The following ZNF83 variants were observed in gnomAD, a reference collection of about 807,000 sequenced individuals.
The protein encoded by ZNF83 is zinc finger protein 816B.
For missense variants in ZNF83, 552 were observed against 629.9 expected, an observed-to-expected ratio of 0.88 and a Z score of 1.32; for synonymous variants, 209 against 213.0, an observed-to-expected ratio of 0.98 and a Z score of 0.17.
chr19:52,646,599 A>G (rs961882539), intron 3 of ZNF83, among the ~76,000 whole-genome samples: 1 of 152,216 alleles, frequency 6.6e-6, no homozygotes, highest in African/African-American at 2.4e-5. Flanking sequence ...TGAGGCAGAA[A>G]TTAAAGAAGA....
At chr19:52,670,058 C>T (rs907721155) in intron 1 of ZNF83, among the ~76,000 whole-genome samples, 5 of 152,190 alleles carry the variant, frequency 3.3e-5, no homozygotes, top group African/African-American at 9.7e-5. Flanking sequence ...TTAAACTTAA[C>T]TTCCTCATAA....
At chr19:52,619,089 A>G (rs1271175180) in intron 2 of ZNF83, 3 of 1,611,398 alleles carry the variant, frequency 1.9e-6, no homozygotes, top group African/African-American at 2.7e-5. Flanking sequence ...TTTTAACCAA[A>G]TGGTTATGGG....
intron 3 of ZNF83, among the ~76,000 whole-genome samples, chr19:52,647,654 T>A (rs1380463067): frequency 6.6e-6 from 1 of 151,794 alleles, no homozygotes; most frequent in Non-Finnish European, 1.5e-5. Flanking sequence ...TCTCTCTAGC[T>A]CTTTTTTTTC....
intron 2 of ZNF83, among the ~76,000 whole-genome samples, chr19:52,656,814 T>C (rs1204641577): frequency 6.8e-6 from 1 of 146,110 alleles, no homozygotes; most frequent in African/African-American, 2.5e-5. Flanking sequence ...TGCAGTGAGC[T>C]GAGATAGTGC....
Position 52,653,168 on chromosome 19 carries a change from G to A in ZNF83, c.-74+2393C>T, listed in dbSNP as rs878886102. On this transcript the variant is annotated intron_variant, in intron 3 of 5. Coordinates refer to the ZNF83 transcript ENST00000594682. ...TTGTAAGGTTTTTCTCCGGTATGAA[G>A]TCTACGATGGCCCACAAGGGATGAC... The A allele has an allele frequency of 3.0e-4, 451 of 1,493,000 alleles. 1 individual carries two copies. Among genetic ancestry groups the A allele is most frequent in the Middle Eastern group, 2.3e-3 (13 of 5,662 alleles). The allele number at this position is 1,493,000 out of a possible 1,614,324, so 92.5% of individuals were successfully genotyped here.
intron 1 of ZNF83, among the ~76,000 whole-genome samples, chr19:52,675,302 A>C (rs55993083): frequency 6.6e-6 from 1 of 152,092 alleles, no homozygotes; most frequent in Non-Finnish European, 1.5e-5. Flanking sequence ...ACTTGATCCT[A>C]GGCCTGAAGG....
intron 2 of ZNF83, among the ~76,000 whole-genome samples, chr19:52,620,035 C>T (rs1056405041): frequency 3.9e-5 from 6 of 152,034 alleles, no homozygotes; most frequent in East Asian, 1.9e-4. Flanking sequence ...GGCAACAAAG[C>T]GAGGCCCCAT....
intron 2 of ZNF83, among the ~76,000 whole-genome samples, chr19:52,623,256 C>T (rs1009909328): frequency 6.6e-6 from 1 of 152,170 alleles, no homozygotes; most frequent in Non-Finnish European, 1.5e-5. Context: ...CCCTCTGGAC[C>T]ATCAGGGATG....
chr19:52,633,296 C>G (rs902410930), intron 2 of ZNF83, among the ~76,000 whole-genome samples: 3 of 151,956 alleles, frequency 2.0e-5, no homozygotes. Context: ...CCTTCGCTGA[C>G]TCTCTTTTCA....
chr19:52,619,194 A>G (rs910487449), intron 2 of ZNF83: 1 of 1,598,148 alleles, frequency 6.3e-7, no homozygotes, highest in African/African-American at 1.4e-5. Flanking sequence ...GGGATTTTTC[A>G]CCACATGATG....
chr19:52,653,059 T>C lies in ZNF83; in HGVS notation c.-74+2502A>G. On this transcript the variant is annotated intron_variant, in intron 3 of 5. Coordinates refer to the ZNF83 transcript ENST00000594682. ...AAAAACCTTGCCACATTCATTACACTTGTAAGGTTTCTCTCCAGTATGAAT... is the reference window on the plus strand; with the variant it reads ...AAAAACCTTGCCACATTCATTACACCTGTAAGGTTTCTCTCCAGTATGAAT... 1.2e-5 allele frequency: 18 copies of C among 1,476,470 alleles called. No homozygotes were observed. The South Asian group carries it at 1.9e-4, about 16-fold the overall frequency. The allele number at this position is 1,476,470 out of a possible 1,614,324, so 91.5% of individuals were successfully genotyped here.
At position 52,614,820 on chromosome 19, in the gene ZNF83, A is replaced by G. The variant is rs914325220; in HGVS notation, c.-233-23T>C. 85 of 1,264,534 alleles carry G rather than the reference A, an allele frequency of 6.7e-5. No individual in the cohort carries two copies. The Admixed American group carries it at 7.6e-4, about 11-fold the overall frequency. The allele number at this position is 1,264,534 out of a possible 1,614,324, so 78.3% of individuals were successfully genotyped here. On this transcript the variant is annotated intron_variant, in intron 2 of 2. Transcript: ENST00000301096. ...TACCTACAAGATATAAGGATCCCACAGTTTCCAATTAATTACAGATAGTCA... is the reference window on the plus strand; with the variant it reads ...TACCTACAAGATATAAGGATCCCACGGTTTCCAATTAATTACAGATAGTCA...
intron 3 of ZNF83, among the ~76,000 whole-genome samples, chr19:52,649,670 T>C (rs329961): frequency 0.53 from 80,574 of 151,878 alleles, 21,963 homozygotes; most frequent in East Asian, 0.71. Context: ...AAAAAGACTA[T>C]GAGAACAAAT....
chr19:52,689,457 C>T (rs1309379888), intron 1 of ZNF83, among the ~76,000 whole-genome samples: 1 of 152,056 alleles, frequency 6.6e-6, no homozygotes, highest in Admixed American at 6.5e-5. Context: ...CCTCTGTTCT[C>T]CTTGCCACCA....
chr19:52,662,965 C>A (rs1194317612), intron 1 of ZNF83, among the ~76,000 whole-genome samples: 3 of 151,948 alleles, frequency 2.0e-5, no homozygotes, highest in Admixed American at 2.0e-4. Flanking sequence ...GAGTTTGAGA[C>A]CAACCTGGGC....
At chr19:52,648,845 A>T (rs185116089) in intron 3 of ZNF83, among the ~76,000 whole-genome samples, 93 of 152,298 alleles carry the variant, frequency 6.1e-4, no homozygotes, top group African/African-American at 2.1e-3. Context: ...TGCACAGCTG[A>T]AGCTTGAGGG....
At chr19:52,616,136 C>G (rs2060297203) in intron 2 of ZNF83, among the ~76,000 whole-genome samples, 1 of 152,204 alleles carries the variant, frequency 6.6e-6, no homozygotes, top group African/African-American at 2.4e-5. Flanking sequence ...CTGCGCCCAG[C>G]CAAATCTTTT....
intron 2 of ZNF83, among the ~76,000 whole-genome samples, chr19:52,615,555 A>G (rs2060275210): frequency 6.6e-6 from 1 of 152,128 alleles, no homozygotes; most frequent in African/African-American, 2.4e-5. Context: ...CCTGACCAAC[A>G]TGATTAAACC....
chr19:52,687,761 G>A (rs1375079737), intron 1 of ZNF83, among the ~76,000 whole-genome samples: 1 of 146,214 alleles, frequency 6.8e-6, no homozygotes, highest in African/African-American at 2.5e-5. Flanking sequence ...GGGGGCCAAG[G>A]CTGCAGTTAG....
Sources: gnomAD v4.1 joint callset for allele counts (sites outside exome capture counted in the v4.1 genomes callset) on GRCh38, gnomAD v4.1.1 for gene constraint, MANE v1.5 for transcripts, NCBI Gene and HGNC (gene_info 2026-07-23, HGNC 2026-07-21) for gene names.